The following FAHD2A variants were observed in gnomAD, a reference collection of about 807,000 sequenced individuals.
The protein encoded by FAHD2A is oxaloacetate tautomerase FAHD2A, mitochondrial.
Under a neutral mutation model 33.4 loss-of-function variants are expected in FAHD2A, and 27 were observed. The ratio of observed to expected loss-of-function variants is 0.81; its 90% CI spans 0.60 to 1.11. FAHD2A has a LOEUF of 1.11. Ranked by LOEUF, FAHD2A falls within the 50% of genes most tolerant of loss-of-function variation. The probability of loss-of-function intolerance (pLI) is 0.00; values close to 1 mark genes in which losing one functional copy is unlikely to be tolerated. For missense variants in FAHD2A, 296 were observed against 395.0 expected, an observed-to-expected ratio of 0.75 and a Z score of 2.12; for synonymous variants, 130 against 153.3, an observed-to-expected ratio of 0.85 and a Z score of 1.12.
downstream of FAHD2A, among the ~76,000 whole-genome samples, chr2:95,420,151 T>C (rs1203982421): frequency 6.6e-6 from 1 of 152,062 alleles, no homozygotes; most frequent in African/African-American, 2.4e-5. Flanking sequence ...GCAATCTACT[T>C]TATTCAGTCA....
chr2:95,418,963 A>G (rs375317845), downstream of FAHD2A, among the ~76,000 whole-genome samples: 2 of 152,188 alleles, frequency 1.3e-5, no homozygotes, highest in Non-Finnish European at 1.5e-5. Flanking sequence ...AGAGAGAAAG[A>G]TGCCAAGTGA....
chr2:95,413,643 C>T lies in FAHD2A; in HGVS notation c.*686C>T. 1 of 1,408,506 alleles carries T rather than the reference C, an allele frequency of 7.1e-7. No individual in the cohort carries two copies. Among genetic ancestry groups the T allele is most frequent in the Non-Finnish European group, 9.4e-7 (1 of 1,062,836 alleles). The allele number at this position is 1,408,506 out of a possible 1,614,324, so 87.3% of individuals were successfully genotyped here. A position where few individuals can be genotyped will look rare whatever the true frequency, so the allele number is the denominator to read the frequency against. ...CACATGGCCCAGGGGCCAGGCCTGT[C>T]CCCCAGAAACCTGCCTTGAGACCTC... On this transcript the variant is annotated 3_prime_UTR_variant, in exon 8 of 8. Transcript: ENST00000233379.
In FAHD2A at chr2:95,410,892, G is replaced by C. The variant is rs1249454259; in HGVS notation, c.551G>C (p.Gly184Ala). ...KATDAMAHVA[G>A]FTVAHDVSAR... ...ACAGATGCTATGGCCCACGTGGCCG[G>C]CTTCACTGTGGCTCATGACGTGAGT... is the stretch of plus-strand genomic sequence containing the variant. The change falls in exon 5 of 8, where the codon GGC becomes GCC. Residue 184 changes from glycine (G) to alanine (A), a missense_variant. Gly to Ala is a moderately conservative substitution (Grantham distance 60). Transcript: ENST00000233379. The C allele has an allele frequency of 1.2e-6, 2 of 1,614,012 alleles. No individual in the cohort carries two copies. Among genetic ancestry groups the C allele is most frequent in the South Asian group, 1.1e-5 (1 of 91,080 alleles).
chr2:95,412,264 A>C (rs1490992605), intron 5 of FAHD2A, among the ~76,000 whole-genome samples, 170 bp from the exon 6 acceptor site: 4 of 152,020 alleles, frequency 2.6e-5, no homozygotes, highest in African/African-American at 9.7e-5. Context: ...AGGCCTGAGA[A>C]GGCCAATGTC....
chr2:95,403,929 A>C (rs1681117329), intron 1 of FAHD2A, among the ~76,000 whole-genome samples: 1 of 152,208 alleles, frequency 6.6e-6, no homozygotes, highest in Admixed American at 6.5e-5. Flanking sequence ...ATTGGCTCGA[A>C]CAGCCTTTTG....
intron 3 of FAHD2A, among the ~76,000 whole-genome samples, chr2:95,409,026 T>G (rs955536693): frequency 6.6e-6 from 1 of 152,180 alleles, no homozygotes; most frequent in Non-Finnish European, 1.5e-5. Flanking sequence ...TTCTTCATGA[T>G]TAGTGTCAGG....
intron 5 of FAHD2A, 25 bp downstream of exon 5, chr2:95,411,051 T>G: frequency 6.2e-7 from 1 of 1,613,046 alleles, no homozygotes; most frequent in Non-Finnish European, 8.5e-7. Flanking sequence ...CCTGCCCCCT[T>G]ATACCTACCA....
At chr2:95,405,481 C>G (rs1681371126) in intron 1 of FAHD2A, 72 bp from the exon 2 acceptor site, 2 of 1,546,370 alleles carry the variant, frequency 1.3e-6, no homozygotes, top group African/African-American at 1.4e-5. Context: ...GGCTATAGCC[C>G]TAGGAATTTC....
Position 95,414,452 on chromosome 2 carries a change from T to C in FAHD2A, c.*1495T>C, listed in dbSNP as rs1682958057. ...CACCCCGTCTCAGTTCCTCCACTGCTTCGTCCCAGATTCTGTTTTTGTTTT... is the reference window on the plus strand; with the variant it reads ...CACCCCGTCTCAGTTCCTCCACTGCCTCGTCCCAGATTCTGTTTTTGTTTT... On this transcript the variant is annotated 3_prime_UTR_variant, in exon 8 of 8. Transcript: ENST00000233379. 8 of 542,530 alleles carry C rather than the reference T, an allele frequency of 1.5e-5. No individual in the cohort carries two copies. Among genetic ancestry groups the C allele is most frequent in the Non-Finnish European group, 2.3e-5 (7 of 297,926 alleles). 33.6% of individuals were successfully genotyped at this position (542,530 alleles called of 1,614,324 possible).
Position 95,406,985 on chromosome 2 carries a change from C to T in FAHD2A, c.290C>T (p.Thr97Ile), listed in dbSNP as rs749447606. ...CCAGTCCTACCACGGTCGGAGGTAA[C>T]CTTCCTGGCTCCAGTCACACGACCA... ...QLPVLPRSEV[T>I]FLAPVTRPDK... Residue 97 changes from threonine (T) to isoleucine (I), a missense_variant, in exon 3 of 8, where the codon ACC becomes ATC. Coordinates refer to ENST00000233379, the MANE Select transcript of FAHD2A (RefSeq NM_016044.3). The T allele has an allele frequency of 2.4e-5, 38 of 1,613,868 alleles. No individual in the cohort carries two copies. Among genetic ancestry groups the T allele is most frequent in the Non-Finnish European group, 3.2e-5 (38 of 1,179,868 alleles).
At position 95,413,471 on chromosome 2, in the gene FAHD2A, G is replaced by A. The variant is rs576738130; in HGVS notation, c.*514G>A. 2.2e-5 allele frequency: 36 copies of A among 1,610,492 alleles called. No individual in the cohort carries two copies. Among genetic ancestry groups the A allele is most frequent in the Middle Eastern group, 2.3e-4 (1 of 4,426 alleles). ...CAGTTCTAGCTACAAGTGAACTGCCGGATGAACTGTTCTAGTTTTTCCTGA... is the reference window on the plus strand; with the variant it reads ...CAGTTCTAGCTACAAGTGAACTGCCAGATGAACTGTTCTAGTTTTTCCTGA... On this transcript the variant is annotated 3_prime_UTR_variant, in exon 8 of 8. Coordinates refer to ENST00000233379, the MANE Select transcript of FAHD2A (RefSeq NM_016044.3).
chr2:95,407,624 G>A (rs142486292), intron 3 of FAHD2A: 1 of 159,270 alleles, frequency 6.3e-6, no homozygotes, highest in East Asian at 1.8e-4. Flanking sequence ...GCTGGATACT[G>A]TTTCTAGTTT....
At position 95,406,956 on chromosome 2, in the gene FAHD2A, G is replaced by A. The variant is rs754568421; in HGVS notation, c.261G>A (p.Gln87=). 1 of 1,613,574 alleles carries A rather than the reference G, an allele frequency of 6.2e-7. No homozygotes were observed. Among genetic ancestry groups the A allele is most frequent in the Non-Finnish European group, 8.5e-7 (1 of 1,179,670 alleles). ...LSVARRALAA[Q]LPVLPRSEVT... ...GTCTCTACAGAGCCCTGGCTGCCCA[G>A]TTGCCAGTCCTACCACGGTCGGAGG... The change falls in exon 3 of 8, where the codon CAG becomes CAA. Residue 87 remains glutamine (Q), a synonymous_variant. Coordinates refer to ENST00000233379, the MANE Select transcript of FAHD2A (RefSeq NM_016044.3).
chr2:95,408,689 G>T (rs1682011003), intron 3 of FAHD2A, among the ~76,000 whole-genome samples: 1 of 152,184 alleles, frequency 6.6e-6, no homozygotes, highest in African/African-American at 2.4e-5. Flanking sequence ...ATCTCCCACC[G>T]GGTCCGTCCC....
At chr2:95,418,229 G>C (rs1388657185), downstream of FAHD2A, among the ~76,000 whole-genome samples, 1 of 151,892 alleles carries the variant, frequency 6.6e-6, no homozygotes, top group Non-Finnish European at 1.5e-5. Flanking sequence ...TGGATAGATG[G>C]TAGTATGGGG....
chr2:95,407,228 C>T, intron 3 of FAHD2A, 71 bp downstream of exon 3: 1 of 1,567,526 alleles, frequency 6.4e-7, no homozygotes, highest in Non-Finnish European at 8.7e-7. Context: ...CAGTATTGAG[C>T]CTACTGGAGC....
intron 4 of FAHD2A, 58 bp from the exon 5 acceptor site, chr2:95,410,806 G>T (rs1331867498): frequency 6.2e-7 from 1 of 1,602,570 alleles, no homozygotes; most frequent in Non-Finnish European, 8.5e-7. Flanking sequence ...CCTTGCCATA[G>T]GTGTTGGTGT....
intron 1 of FAHD2A, among the ~76,000 whole-genome samples, chr2:95,404,460 GTT>G (rs1256689131): frequency 1.3e-5 from 2 of 152,010 alleles, no homozygotes; most frequent in Non-Finnish European, 2.9e-5. Context: ...CACTCGGCGA[GTT>G]TTTTGTATTT....
At chr2:95,406,832 A>C in intron 2 of FAHD2A, 109 bp from the exon 3 acceptor site, 1 of 1,462,198 alleles carries the variant, frequency 6.8e-7, no homozygotes, top group Non-Finnish European at 9.1e-7. Flanking sequence ...AGAGCTAGGA[A>C]ATAGATTTCA....
Sources: allele counts gnomAD v4.1 joint callset (sites outside exome capture counted in the v4.1 genomes callset), GRCh38; gene constraint gnomAD v4.1.1; transcripts MANE v1.5; gene names NCBI Gene and HGNC (gene_info 2026-07-23, HGNC 2026-07-21).